PRELID2: variants seen among roughly 807,000 people sequenced by gnomAD.
The protein encoded by PRELID2 is PRELI domain containing 2.
PRELID2 carries 25 observed loss-of-function variants against 28.4 expected under a neutral mutation model. The ratio of observed to expected loss-of-function variants is 0.88; its 90% CI spans 0.64 to 1.23. The LOEUF is 1.23. PRELID2 is among the 50% of genes most tolerant of loss of function. PRELID2 has a pLI of 0.00. For synonymous variants in PRELID2, 76 were observed against 71.6 expected (o/e 1.06, Z -0.31); for missense variants, 201 against 214.4 (o/e 0.94, Z 0.39).
At chr5:145,418,014 T>G in the PRELID2 span, among the ~76,000 whole-genome samples, 1 of 152,120 alleles carries the variant, frequency 6.6e-6, no homozygotes, top group African/African-American at 2.4e-5. Flanking sequence ...AGCCCAAAAT[T>G]TTCTTAAGCT....
At chr5:145,249,963 C>CTCTT in the PRELID2 span, among the ~76,000 whole-genome samples, 1 of 151,634 alleles carries the variant, frequency 6.6e-6, no homozygotes, top group African/African-American at 2.4e-5. Flanking sequence ...CTCTCTCTCT[C>CTCTT]TCCTTTTGAT....
intron 1 of PRELID2, among the ~76,000 whole-genome samples, chr5:145,721,034 T>C (rs1755975067): frequency 6.6e-6 from 1 of 152,148 alleles, no homozygotes; most frequent in Non-Finnish European, 1.5e-5. Context: ...ACCCATTACA[T>C]AATATAAAAC....
At chr5:145,771,483 G>C (rs1758102000) in intron 5 of PRELID2, among the ~76,000 whole-genome samples, 1 of 152,086 alleles carries the variant, frequency 6.6e-6, no homozygotes, top group Middle Eastern at 3.4e-3. Flanking sequence ...AGAGGGATTT[G>C]AGTAAGACCC....
the PRELID2 span, among the ~76,000 whole-genome samples, chr5:145,263,449 C>T: frequency 6.6e-6 from 1 of 150,858 alleles, no homozygotes; most frequent in African/African-American, 2.5e-5. Flanking sequence ...AAACAAGTCT[C>T]AACAAATTTA....
chr5:145,681,652 T>C (rs1754938098), intron 1 of PRELID2, among the ~76,000 whole-genome samples: 2 of 152,204 alleles, frequency 1.3e-5, no homozygotes, highest in African/African-American at 4.8e-5. Flanking sequence ...CCATAAACGG[T>C]AGCTATTATT....
In PRELID2 at chr5:145,610,517, C is replaced by T. The variant is rs114455361; in HGVS notation, n.71-137202G>A. Among the ~76,000 whole-genome samples the T allele has an allele frequency of 5.9e-3, 900 of 152,196 alleles. 12 individuals are homozygous for T. Among genetic ancestry groups the T allele is most frequent in the African/African-American group, 0.02 (833 of 41,512 alleles). ...GTATGTAGAACACAAGGACACAGGA[C>T]CCAACCTGAAGCAGAGCCACCTAGC... On this transcript the variant is annotated intron_variant and non_coding_transcript_variant, in intron 1 of 2. Transcript: ENST00000510259.
chr5:145,432,215 C>T, the PRELID2 span, among the ~76,000 whole-genome samples: 1 of 152,030 alleles, frequency 6.6e-6, no homozygotes, highest in Non-Finnish European at 1.5e-5. Flanking sequence ...GGAATTTTAA[C>T]TTTTTATTTT....
chr5:145,476,863 T>C (rs1359648008), intron 1 of PRELID2, among the ~76,000 whole-genome samples: 1 of 152,100 alleles, frequency 6.6e-6, no homozygotes, highest in Non-Finnish European at 1.5e-5. Flanking sequence ...TGACACAATA[T>C]AACACATAAG....
intron 4 of PRELID2, among the ~76,000 whole-genome samples, chr5:145,815,572 T>C (rs567264937): frequency 8.5e-5 from 13 of 152,234 alleles, no homozygotes; most frequent in African/African-American, 2.9e-4. Context: ...ATCACTCCCC[T>C]CTCCCCGTAA....
chr5:145,758,994 A>ATCTTTTTT lies in PRELID2; in HGVS notation c.*1541_*1542insAAAAAAGA, dbSNP rs1757347853. On this transcript the variant is annotated 3_prime_UTR_variant, in exon 7 of 7. Transcript: ENST00000683046. ...CCAAGACTCTCCAGTAACGGCCTGA[A>ATCTTTTTT]TTTTTTTTTTTTTTTTTTTTTTTTG... 1 of 90,592 alleles carries ATCTTTTTT rather than the reference A, an allele frequency of 1.1e-5. No individual in the cohort carries two copies. Among genetic ancestry groups the ATCTTTTTT allele is most frequent in the African/African-American group, 4.4e-5 (1 of 22,616 alleles). 5.6% of individuals were successfully genotyped at this position (90,592 alleles called of 1,614,324 possible). A position where few individuals can be genotyped will look rare whatever the true frequency, so the allele number is the denominator to read the frequency against.
chr5:145,629,035 CA>C (rs1236491944), intron 1 of PRELID2, among the ~76,000 whole-genome samples: 1 of 152,154 alleles, frequency 6.6e-6, no homozygotes, highest in Non-Finnish European at 1.5e-5. Flanking sequence ...TTCCTGGTCC[CA>C]GAAGAGTAAA....
At chr5:145,487,147 T>C (rs527909907) in intron 1 of PRELID2, among the ~76,000 whole-genome samples, 897 of 145,678 alleles carry the variant, frequency 6.2e-3, no homozygotes, top group Non-Finnish European at 9.6e-3. Flanking sequence ...TGCTAGATGA[T>C]GAGTTAGTGG....
chr5:145,331,075 T>G, the PRELID2 span, among the ~76,000 whole-genome samples: 19 of 152,340 alleles, frequency 1.2e-4, no homozygotes, highest in Non-Finnish European at 2.2e-4. Flanking sequence ...TCTATGTAGC[T>G]GTGCACTTTT....
intron 1 of PRELID2, among the ~76,000 whole-genome samples, chr5:145,614,996 A>G (rs531511491): frequency 2.0e-5 from 3 of 152,182 alleles, no homozygotes; most frequent in African/African-American, 7.2e-5. Context: ...TAGTGCTGTC[A>G]GTGGAGTATT....
At position 145,613,772 on chromosome 5, in the gene PRELID2, T is replaced by G. The variant is rs62394199; in HGVS notation, n.71-140457A>C. ...TAAAGATTTTCTCCCATTCTGTGGG[T>G]TGTCCATTTACTCTGCTGTTTCTTT... On this transcript the variant is annotated intron_variant and non_coding_transcript_variant, in intron 1 of 2. Coordinates refer to the PRELID2 transcript ENST00000510259. Among the ~76,000 whole-genome samples the G allele has an allele frequency of 5.9e-3, 895 of 152,240 alleles. 9 individuals are homozygous for G. Among genetic ancestry groups the G allele is most frequent in the Non-Finnish European group, 8.3e-3 (567 of 68,012 alleles).
At chr5:145,640,259 G>T (rs74756443) in intron 1 of PRELID2, among the ~76,000 whole-genome samples, 10,855 of 152,114 alleles carry the variant, frequency 0.071, 982 homozygotes, top group African/African-American at 0.21. Flanking sequence ...GGCCGAGGCG[G>T]GCGGATCACG....
chr5:145,361,221 CAA>C, the PRELID2 span, among the ~76,000 whole-genome samples: 1 of 152,136 alleles, frequency 6.6e-6, no homozygotes, highest in East Asian at 1.9e-4. Flanking sequence ...TTTAAAAATG[CAA>C]CTGTTTTCTG....
chr5:145,676,076 C>T (rs945697823), intron 1 of PRELID2, among the ~76,000 whole-genome samples: 19 of 151,278 alleles, frequency 1.3e-4, no homozygotes, highest in African/African-American at 4.6e-4. Flanking sequence ...CAAAATTAGC[C>T]GGGCGTGGTG....
chr5:145,641,783 G>T (rs1306152262), intron 1 of PRELID2, among the ~76,000 whole-genome samples: 5 of 152,182 alleles, frequency 3.3e-5, no homozygotes, highest in Non-Finnish European at 7.3e-5. Flanking sequence ...TTCTGTTTCT[G>T]TGTTAGTTTG....
Sources: allele counts gnomAD v4.1 joint callset (sites outside exome capture counted in the v4.1 genomes callset), GRCh38; gene constraint gnomAD v4.1.1; transcripts MANE v1.5; gene names NCBI Gene and HGNC (gene_info 2026-07-23, HGNC 2026-07-21).